Variants in PPM1H observed in about 807,000 individuals in gnomAD.
The protein encoded by PPM1H is protein phosphatase 1H.
PPM1H carries 27 observed loss-of-function variants against 54.9 expected under a neutral mutation model. The observed-to-expected ratio is 0.49, with a 90% CI of 0.36 to 0.68. PPM1H has a LOEUF of 0.68. Among genes scored for constraint, PPM1H ranks in the 30% least tolerant of loss-of-function variants. PPM1H has a pLI of 0.00. For missense variants in PPM1H, 596 were observed against 667.8 expected (o/e 0.89, Z 1.19); for synonymous variants, 305 against 270.8 (o/e 1.13, Z -1.24).
intron 2 of PPM1H, among the ~76,000 whole-genome samples, chr12:62,829,324 G>A (rs1334494175): frequency 1.3e-5 from 2 of 152,180 alleles, no homozygotes. Context: ...TCAGAGACAG[G>A]AAATAGAATG....
At chr12:62,721,598 C>T (rs1453443990) in intron 5 of PPM1H, among the ~76,000 whole-genome samples, 1 of 152,120 alleles carries the variant, frequency 6.6e-6, no homozygotes, top group Non-Finnish European at 1.5e-5. Context: ...CGAGGTTTTA[C>T]AGAGAGGTTC....
chr12:62,820,492 T>C (rs1208297274), intron 2 of PPM1H, among the ~76,000 whole-genome samples: 2 of 152,162 alleles, frequency 1.3e-5, no homozygotes, highest in Non-Finnish European at 2.9e-5. Context: ...CACCTCCCAT[T>C]AGGGGCCGAC....
intron 2 of PPM1H, among the ~76,000 whole-genome samples, chr12:62,817,298 T>C (rs955301083): frequency 4.0e-5 from 6 of 150,926 alleles, no homozygotes; most frequent in Non-Finnish European, 8.9e-5. Context: ...CCGTCTCTAC[T>C]AAAAATACAA....
chr12:62,882,665 T>C (rs934334893), intron 1 of PPM1H, among the ~76,000 whole-genome samples: 12 of 152,074 alleles, frequency 7.9e-5, no homozygotes, highest in African/African-American at 2.9e-4. Context: ...CCTAAGGGAG[T>C]CAACAGAAGG....
intron 1 of PPM1H, 92 bp from the exon 2 acceptor site, chr12:62,832,371 C>G: frequency 3.2e-6 from 4 of 1,264,452 alleles, no homozygotes; most frequent in Middle Eastern, 2.1e-4. Context: ...GTCTCTACAA[C>G]TGGCCCAGAA....
chr12:62,800,245 T>C (rs1486370650), intron 3 of PPM1H, among the ~76,000 whole-genome samples: 1 of 152,222 alleles, frequency 6.6e-6, no homozygotes. Flanking sequence ...ACATGCACCA[T>C]GTGCCTATCC....
chr12:62,675,787 T>C (rs2075982045), intron 8 of PPM1H, among the ~76,000 whole-genome samples: 1 of 152,176 alleles, frequency 6.6e-6, no homozygotes. Context: ...TTCACAGGAC[T>C]CTTCACCACA....
chr12:62,759,539 G>A (rs572550118), intron 4 of PPM1H, among the ~76,000 whole-genome samples: 3 of 152,152 alleles, frequency 2.0e-5, no homozygotes, highest in African/African-American at 4.8e-5. Context: ...TCACGGACTC[G>A]GGAAGACAGC....
chr12:62,905,801 C>G (rs939467942), intron 1 of PPM1H, among the ~76,000 whole-genome samples: 23 of 152,088 alleles, frequency 1.5e-4, no homozygotes, highest in African/African-American at 5.6e-4. Flanking sequence ...CCCTCATATC[C>G]TAGGAGATAA....
At chr12:62,650,700 T>C (rs529578110) in intron 9 of PPM1H, among the ~76,000 whole-genome samples, 1 of 152,200 alleles carries the variant, frequency 6.6e-6, no homozygotes, top group South Asian at 2.1e-4. Context: ...AAGCGAGGCA[T>C]GTCTTACATG....
chr12:62,792,114 C>T (rs1265877879), intron 3 of PPM1H, among the ~76,000 whole-genome samples: 3 of 152,156 alleles, frequency 2.0e-5, no homozygotes, highest in Admixed American at 6.5e-5. Context: ...TAAGCAAGTT[C>T]GGGCTACACC....
intron 1 of PPM1H, among the ~76,000 whole-genome samples, chr12:62,878,769 A>G (rs748207730): frequency 2.0e-5 from 3 of 151,816 alleles, no homozygotes; most frequent in African/African-American, 4.8e-5. Flanking sequence ...GCGAAACCCC[A>G]TCTCTACTAA....
intron 2 of PPM1H, among the ~76,000 whole-genome samples, chr12:62,813,326 G>A (rs1267332529): frequency 6.6e-6 from 1 of 151,762 alleles, no homozygotes. Context: ...CTCTCCACAC[G>A]AAGCACATGA....
At chr12:62,696,447 G>A (rs1321739300) in intron 6 of PPM1H, among the ~76,000 whole-genome samples, 1 of 152,122 alleles carries the variant, frequency 6.6e-6, no homozygotes, top group Non-Finnish European at 1.5e-5. Context: ...AGCAACTAAC[G>A]ACAAGGGGGA....
At chr12:62,704,753 G>A (rs552849818) in intron 6 of PPM1H, among the ~76,000 whole-genome samples, 1 of 152,296 alleles carries the variant, frequency 6.6e-6, no homozygotes, top group South Asian at 2.1e-4. Flanking sequence ...AAGGCTGCTG[G>A]CTTTTTTTCC....
intron 1 of PPM1H, among the ~76,000 whole-genome samples, chr12:62,845,451 T>C (rs1179285055): frequency 1.3e-5 from 2 of 152,228 alleles, no homozygotes; most frequent in African/African-American, 2.4e-5. Context: ...GAACATAGTT[T>C]TAGAAAAGGG....
intron 6 of PPM1H, among the ~76,000 whole-genome samples, chr12:62,714,769 C>T (rs568499017): frequency 5.9e-5 from 9 of 152,278 alleles, no homozygotes; most frequent in South Asian, 2.1e-4. Context: ...ACCATCATAA[C>T]GTTAGAAAGG....
At chr12:62,872,037 A>C (rs572873) in intron 1 of PPM1H, among the ~76,000 whole-genome samples, 98,036 of 152,020 alleles carry the variant, frequency 0.64, 32,674 homozygotes, top group African/African-American at 0.81. Context: ...TACAGCATTC[A>C]GTTTCTAGCC....
intron 1 of PPM1H, among the ~76,000 whole-genome samples, chr12:62,887,376 TG>T (rs1870628781): frequency 6.6e-6 from 1 of 152,234 alleles, no homozygotes; most frequent in Non-Finnish European, 1.5e-5. Flanking sequence ...TGGACCTTGC[TG>T]CTCCTTAGGA....
Sources: allele counts gnomAD v4.1 joint callset (sites outside exome capture counted in the v4.1 genomes callset), GRCh38; gene constraint gnomAD v4.1.1; transcripts MANE v1.5; gene names NCBI Gene and HGNC (gene_info 2026-07-23, HGNC 2026-07-21).